Variants in NBAS observed in about 807,000 individuals in gnomAD.
NBAS encodes the protein NAG/BC035112 fusion.
In NBAS, 219 loss-of-function variants were observed where a neutral mutation model predicts 302.5. That is an observed-to-expected ratio of 0.72 (90% CI 0.65 to 0.81). The LOEUF (loss-of-function observed/expected upper bound fraction) is 0.81. Among genes scored for constraint, NBAS ranks in the 30% least tolerant of loss-of-function variants. The probability of loss-of-function intolerance (pLI) is 0.00; values close to 1 mark genes in which losing one functional copy is unlikely to be tolerated. For synonymous variants in NBAS, 1,118 were observed against 1,021.6 expected (o/e 1.09, Z -1.80); for missense variants, 2,932 against 2,841.6 (o/e 1.03, Z -0.72).
chr2:14,927,890 G>A, the NBAS span, among the ~76,000 whole-genome samples: 1 of 151,960 alleles, frequency 6.6e-6, no homozygotes, highest in Non-Finnish European at 1.5e-5. Flanking sequence ...TTTTTAATTG[G>A]GCCATTTGTT....
intron 21 of NBAS, among the ~76,000 whole-genome samples, chr2:15,432,414 T>C (rs1409894232): frequency 6.6e-6 from 1 of 152,146 alleles, no homozygotes; most frequent in Non-Finnish European, 1.5e-5. Flanking sequence ...TACGCTGGCT[T>C]TCATTTGATG....
intron 10 of NBAS, among the ~76,000 whole-genome samples, chr2:15,509,259 T>G (rs1662025471): frequency 6.6e-6 from 1 of 152,180 alleles, no homozygotes; most frequent in Non-Finnish European, 1.5e-5. Context: ...GCCCATCTCA[T>G]GCCTCTATGT....
At chr2:15,364,956 T>A (rs1046188069) in intron 32 of NBAS, among the ~76,000 whole-genome samples, 1 of 152,158 alleles carries the variant, frequency 6.6e-6, no homozygotes, top group South Asian at 2.1e-4. Context: ...AAACACTCTA[T>A]AAGGTAAAGG....
intron 21 of NBAS, among the ~76,000 whole-genome samples, chr2:15,441,417 G>A (rs1170297043): frequency 6.6e-6 from 1 of 151,774 alleles, no homozygotes; most frequent in African/African-American, 2.4e-5. Flanking sequence ...AGCTTCATAA[G>A]TGAAGGAGAA....
chr2:15,190,344 C>G lies in NBAS; in HGVS notation c.6492G>C (p.Leu2164=), dbSNP rs182600637. The G allele has an allele frequency of 1.4e-5, 23 of 1,613,928 alleles. 1 individual carries two copies. In the Admixed American group the frequency reaches 3.7e-4, roughly 26 times the overall value. Residue 2164 remains leucine, a synonymous_variant, in exon 49 of 52, where the codon CTG becomes CTC. Transcript: ENST00000281513. ...ATTCAGCCTCGTGGTGACTAGATTC[C>G]AGGAGTTCCATGAATAGACAGTAGC... is the stretch of plus-strand genomic sequence containing the variant. ...ENRYCLFMEL[L]ESSHHEAEFQ... is the part of the protein sequence containing the mutation.
chr2:15,059,341 C>T, the NBAS span, among the ~76,000 whole-genome samples: 1 of 152,150 alleles, frequency 6.6e-6, no homozygotes, highest in African/African-American at 2.4e-5. Flanking sequence ...TGAAGCAGCT[C>T]ATTATTTGTG....
the NBAS span, among the ~76,000 whole-genome samples, chr2:15,026,054 G>A: frequency 6.6e-6 from 1 of 152,174 alleles, no homozygotes; most frequent in Admixed American, 6.5e-5. Context: ...TTTTCAGTAT[G>A]ATGCTGGCTG....
chr2:14,841,755 A>T, the NBAS span, among the ~76,000 whole-genome samples: 6 of 151,884 alleles, frequency 4.0e-5, no homozygotes, highest in African/African-American at 1.4e-4. Flanking sequence ...GGACTTCAAC[A>T]CCCCATTTTC....
chr2:15,160,436 G>A, the NBAS span, among the ~76,000 whole-genome samples: 512 of 152,268 alleles, frequency 3.4e-3, 1 homozygote, highest in Non-Finnish European at 4.4e-3. Context: ...GGGACACCCC[G>A]GGGCTGGGAG....
intron 9 of NBAS, among the ~76,000 whole-genome samples, chr2:15,521,044 T>C (rs1662646947): frequency 6.6e-6 from 1 of 152,254 alleles, no homozygotes; most frequent in African/African-American, 2.4e-5. Flanking sequence ...TTAACTTCAA[T>C]TGAAGTCAAT....
intron 19 of NBAS, 132 bp downstream of exon 19, chr2:15,467,197 G>T: frequency 1.4e-6 from 1 of 703,512 alleles, no homozygotes; most frequent in Non-Finnish European, 2.4e-6. Flanking sequence ...AAGAGAACTT[G>T]CTTCTATAAG....
At chr2:14,795,429 A>G in the NBAS span, among the ~76,000 whole-genome samples, 40 of 151,596 alleles carry the variant, frequency 2.6e-4, no homozygotes, top group East Asian at 7.3e-3. Context: ...TGGTCCATAT[A>G]TTTATTGGCT....
intron 4 of NBAS, 152 bp downstream of exon 4, chr2:15,553,909 A>T (rs946736174): frequency 2.8e-6 from 2 of 704,380 alleles, no homozygotes; most frequent in African/African-American, 1.9e-5. Flanking sequence ...TCTCTCTCTA[A>T]AAAGTTTAAA....
Position 15,238,723 on chromosome 2 carries a change from A to ATTAT in NBAS, c.5725-41_5725-38dup, listed in dbSNP as rs535555843. ...GAATAGTGAGACCAAAGAACCCTGC[A>ATTAT]TTATTACCTATTGCATATTCAGCAA... On this transcript the variant is annotated intron_variant, in intron 44 of 51. Coordinates refer to ENST00000281513, the MANE Select transcript of NBAS (RefSeq NM_015909.4). 4.4e-4 allele frequency: 677 copies of ATTAT among 1,555,922 alleles called. 5 individuals are homozygous for ATTAT. In the East Asian group the frequency reaches 6.9e-3, roughly 16 times the overall value.
At chr2:15,007,481 C>T in the NBAS span, among the ~76,000 whole-genome samples, 4 of 152,152 alleles carry the variant, frequency 2.6e-5, no homozygotes, top group African/African-American at 7.2e-5. Flanking sequence ...TTGAAGGAAG[C>T]GAAGTTTTTT....
At chr2:14,789,062 G>T in the NBAS span, among the ~76,000 whole-genome samples, 306 of 152,350 alleles carry the variant, frequency 2.0e-3, 1 homozygote, top group African/African-American at 6.9e-3. Context: ...CAGCCTCGCT[G>T]CCGCCTTGCA....
the NBAS span, among the ~76,000 whole-genome samples, chr2:14,900,269 G>A: frequency 2.0e-5 from 3 of 151,958 alleles, no homozygotes; most frequent in Non-Finnish European, 4.4e-5. Flanking sequence ...TTCAGTGCAA[G>A]ATGCATAAGC....
intron 45 of NBAS, among the ~76,000 whole-genome samples, chr2:15,238,072 G>T (rs763374281): frequency 6.6e-6 from 1 of 152,126 alleles, no homozygotes; most frequent in Non-Finnish European, 1.5e-5. Flanking sequence ...ACCGCGCCCA[G>T]CCTATTTTTA....
chr2:14,841,082 ATTCTT>A, the NBAS span, among the ~76,000 whole-genome samples: 8 of 151,994 alleles, frequency 5.3e-5, no homozygotes, highest in Admixed American at 3.3e-4. Context: ...CATTGTTTCT[ATTCTT>A]TTCTTTGTGA....
Sources: allele counts gnomAD v4.1 joint callset (sites outside exome capture counted in the v4.1 genomes callset), GRCh38; gene constraint gnomAD v4.1.1; transcripts MANE v1.5; gene names NCBI Gene and HGNC (gene_info 2026-07-23, HGNC 2026-07-21).